The following AGTPBP1 variants were observed in gnomAD, a reference collection of about 807,000 sequenced individuals.
AGTPBP1 encodes cytosolic carboxypeptidase 1.
A neutral mutation model predicts 143.9 loss-of-function variants in AGTPBP1; 70 were observed. The observed-to-expected ratio is 0.49, with a 90% CI of 0.40 to 0.59. The LOEUF (loss-of-function observed/expected upper bound fraction) is 0.59, where lower values mean the gene tolerates loss of function less well. Ranked by LOEUF, AGTPBP1 falls within the 20% of genes least tolerant of loss-of-function variation. AGTPBP1 has a pLI of 0.00. For synonymous variants in AGTPBP1, 463 were observed against 500.2 expected (o/e 0.93, Z 0.99); for missense variants, 1,229 against 1,464.5 (o/e 0.84, Z 2.62).
At chr9:85,658,073 A>G (rs1464594999) in intron 9 of AGTPBP1, among the ~76,000 whole-genome samples, 1 of 152,088 alleles carries the variant, frequency 6.6e-6, no homozygotes, top group African/African-American at 2.4e-5. Context: ...TCTATTACAA[A>G]CTTTATGTTC....
At chr9:85,623,644 C>A (rs1375767119) in intron 14 of AGTPBP1, among the ~76,000 whole-genome samples, 3 of 151,752 alleles carry the variant, frequency 2.0e-5, no homozygotes, top group Admixed American at 6.6e-5. Context: ...GTAATCCCAG[C>A]TACTCAAGAG....
At chr9:85,701,067 GC>G (rs942549757) in intron 2 of AGTPBP1, among the ~76,000 whole-genome samples, 1 of 151,108 alleles carries the variant, frequency 6.6e-6, no homozygotes, top group Non-Finnish European at 1.5e-5. Flanking sequence ...ACAGGCATGT[GC>G]CACCATGCCA....
intron 13 of AGTPBP1, among the ~76,000 whole-genome samples, chr9:85,639,342 T>TGCGCGCGC (rs1308314777): frequency 1.3e-3 from 189 of 141,486 alleles, no homozygotes; most frequent in Middle Eastern, 7.9e-3. Context: ...CATGCATACA[T>TGCGCGCGC]ACACACACCC....
At chr9:85,661,047 TC>T in intron 8 of AGTPBP1, 74 bp from the exon 9 acceptor site, 1 of 1,248,078 alleles carries the variant, frequency 8.0e-7, no homozygotes, top group East Asian at 2.6e-5. Context: ...ATTCATACAA[TC>T]TTTTTCAATA....
the AGTPBP1 span, among the ~76,000 whole-genome samples, chr9:85,750,446 A>G: frequency 1.3e-5 from 2 of 152,148 alleles, no homozygotes; most frequent in African/African-American, 2.4e-5. Flanking sequence ...TCTTCTATCC[A>G]TGTCATGATT....
chr9:85,628,039 T>C (rs952745866), intron 14 of AGTPBP1, among the ~76,000 whole-genome samples: 8 of 152,090 alleles, frequency 5.3e-5, no homozygotes, highest in Admixed American at 5.2e-4. Flanking sequence ...TTGCAAAGAG[T>C]ATATAAAATT....
chr9:85,632,095 A>G (rs1043597177), intron 14 of AGTPBP1, among the ~76,000 whole-genome samples: 1 of 150,972 alleles, frequency 6.6e-6, no homozygotes, highest in African/African-American at 2.4e-5. Context: ...CATAGTAGGT[A>G]TATATATATA....
chr9:85,614,006 A>G (rs1830467878), intron 17 of AGTPBP1, among the ~76,000 whole-genome samples: 1 of 152,074 alleles, frequency 6.6e-6, no homozygotes, highest in Non-Finnish European at 1.5e-5. Flanking sequence ...CATTACATTC[A>G]TTGATAAATG....
At chr9:85,798,094 G>C in the AGTPBP1 span, among the ~76,000 whole-genome samples, 4 of 151,252 alleles carry the variant, frequency 2.6e-5, no homozygotes, top group East Asian at 7.8e-4. Context: ...TGGAGACGGG[G>C]TTTCACCATA....
At chr9:85,670,901 G>C (rs183179855) in intron 7 of AGTPBP1, among the ~76,000 whole-genome samples, 5 of 152,118 alleles carry the variant, frequency 3.3e-5, no homozygotes, top group Non-Finnish European at 5.9e-5. Flanking sequence ...TGAAGTATTT[G>C]GTGGTTTAGC....
At chr9:85,619,491 T>C (rs1712023451) in intron 15 of AGTPBP1, among the ~76,000 whole-genome samples, 190 bp from the exon 16 acceptor site, 1 of 152,166 alleles carries the variant, frequency 6.6e-6, no homozygotes, top group Non-Finnish European at 1.5e-5. Context: ...ACAAAACTTA[T>C]AATAAGAGAT....
At chr9:85,659,945 AG>A (rs1343130577) in intron 9 of AGTPBP1, among the ~76,000 whole-genome samples, 6 of 152,142 alleles carry the variant, frequency 3.9e-5, no homozygotes, top group Non-Finnish European at 7.4e-5. Flanking sequence ...AATCTAACTG[AG>A]TGTCATACAT....
rs994026819 is a variant in AGTPBP1, at chr9:85,558,547, T to C, written c.3504-11261A>G. On this transcript the variant is annotated intron_variant, in intron 25 of 25. Transcript: ENST00000357081. Reference sequence around the variant, plus strand: ...ATTATATGTCAGTAATTAGGCTTCATTTAAACATGGGTATATTTTTAATTA... The same window carrying C: ...ATTATATGTCAGTAATTAGGCTTCACTTAAACATGGGTATATTTTTAATTA... Among the ~76,000 whole-genome samples, 4 of 152,240 alleles carry C rather than the reference T, an allele frequency of 2.6e-5. No homozygotes were observed. In the East Asian group the frequency reaches 5.8e-4, roughly 22 times the overall value.
At chr9:85,686,179 T>A (rs1835474394) in intron 3 of AGTPBP1, among the ~76,000 whole-genome samples, 1 of 151,968 alleles carries the variant, frequency 6.6e-6, no homozygotes, top group Admixed American at 6.6e-5. Flanking sequence ...ATGTTTTTTT[T>A]TAAAAAGATC....
At chr9:85,771,989 T>TA in the AGTPBP1 span, among the ~76,000 whole-genome samples, 3 of 147,668 alleles carry the variant, frequency 2.0e-5, no homozygotes, top group Non-Finnish European at 1.5e-5. Flanking sequence ...GCTGTTCTTT[T>TA]TTTTTTTTTT....
chr9:85,626,783 C>T (rs968157749), intron 14 of AGTPBP1, among the ~76,000 whole-genome samples: 2 of 152,182 alleles, frequency 1.3e-5, no homozygotes, highest in Non-Finnish European at 2.9e-5. Flanking sequence ...CATTAAAAAA[C>T]AAGGCATGAC....
intron 17 of AGTPBP1, among the ~76,000 whole-genome samples, chr9:85,602,377 A>G (rs11141031): frequency 0.19 from 28,186 of 152,118 alleles, 3,380 homozygotes; most frequent in East Asian, 0.51. Flanking sequence ...GAGAGCTTTG[A>G]CAATAGACTA....
intron 19 of AGTPBP1, 69 bp from the exon 20 acceptor site, chr9:85,589,750 A>T: frequency 7.2e-7 from 1 of 1,390,344 alleles, no homozygotes; most frequent in South Asian, 1.4e-5. Context: ...GAAATAATGC[A>T]TCCAGATCTC....
chr9:85,710,604 T>C (rs1030528884), intron 2 of AGTPBP1, among the ~76,000 whole-genome samples: 3 of 152,056 alleles, frequency 2.0e-5, no homozygotes, highest in Admixed American at 2.0e-4. Flanking sequence ...CAGAGCAGTA[T>C]GACAAGTTTT....
Sources: gnomAD v4.1 joint callset for allele counts (sites outside exome capture counted in the v4.1 genomes callset) on GRCh38, gnomAD v4.1.1 for gene constraint, MANE v1.5 for transcripts, NCBI Gene and HGNC (gene_info 2026-07-23, HGNC 2026-07-21) for gene names.